Variants in ACVR2A observed in about 807,000 individuals in gnomAD.
The protein encoded by ACVR2A is activin receptor type-2A.
ACVR2A carries 7 observed loss-of-function variants against 61.4 expected under a neutral mutation model. That is an observed-to-expected ratio of 0.11 (90% CI 0.06 to 0.21). ACVR2A has a LOEUF of 0.21. Ranked by LOEUF, ACVR2A falls within the 10% of genes least tolerant of loss-of-function variation. The pLI, the probability that ACVR2A is intolerant of heterozygous loss-of-function variation, is 1.00. For synonymous variants in ACVR2A, 193 were observed against 208.3 expected, an observed-to-expected ratio of 0.93 and a Z score of 0.63; for missense variants, 322 against 621.7, an observed-to-expected ratio of 0.52 and a Z score of 5.13.
chr2:147,879,405 G>A (rs993026395), intron 1 of ACVR2A, among the ~76,000 whole-genome samples: 3 of 152,146 alleles, frequency 2.0e-5, no homozygotes, highest in African/African-American at 7.2e-5. Context: ...GCCACCATTA[G>A]GCCCCACCTC....
chr2:147,851,980 T>C (rs1685460066), intron 1 of ACVR2A, among the ~76,000 whole-genome samples: 1 of 152,086 alleles, frequency 6.6e-6, no homozygotes, highest in Non-Finnish European at 1.5e-5. Context: ...CTGAAAGCTT[T>C]ATGGTTCTAT....
intron 1 of ACVR2A, among the ~76,000 whole-genome samples, chr2:147,877,887 T>C (rs1374768313): frequency 6.6e-6 from 1 of 152,250 alleles, no homozygotes; most frequent in Non-Finnish European, 1.5e-5. Flanking sequence ...CTTATCTATG[T>C]TCTGCTGTAA....
rs184864148 is a variant in ACVR2A at position 147,921,312 on chromosome 2, G to A, written c.1077+968G>A. 2.4e-4 allele frequency among the ~76,000 whole-genome samples: 37 copies of A among 152,246 alleles called. No homozygotes were observed. The East Asian group carries it at 7.1e-3, about 29-fold the overall frequency. ...GGCCTCCCAAAGTGCTGGGATTATA[G>A]GCGTGAGCCACCACGCCCAGCCAAG... is the stretch of plus-strand genomic sequence containing the variant. On this transcript the variant is annotated intron_variant, in intron 8 of 10. Transcript: ENST00000241416.
chr2:147,915,221 C>T lies in ACVR2A; in HGVS notation c.559C>T (p.Leu187=), dbSNP rs750538183. ...DPGPPPPSPL[L]GLKPLQLLEV... The stretch of plus-strand genomic sequence containing the variant: ...AGGACCACCCCCACCTTCTCCATTA[C>T]TAGGTTTGAAACCACTGCAGTTATT... The change falls in exon 5 of 11, where the codon CTA becomes TTA. Residue 187 remains leucine (L), a synonymous_variant. Coordinates refer to ENST00000241416, the MANE Select transcript of ACVR2A (RefSeq NM_001616.5). The T allele has an allele frequency of 6.2e-7, 1 of 1,612,198 alleles. No homozygotes were observed. The highest frequency in any genetic ancestry group is 1.1e-5 in the South Asian group (1 of 91,034).
upstream of ACVR2A, chr2:147,844,826 C>T: frequency 4.6e-6 from 1 of 218,626 alleles, no homozygotes; most frequent in Non-Finnish European, 8.8e-6. Context: ...ACGGGAGAGG[C>T]GAGCGGAGCT....
intron 1 of ACVR2A, among the ~76,000 whole-genome samples, chr2:147,868,406 A>G (rs1276673429): frequency 6.6e-6 from 1 of 152,198 alleles, no homozygotes; most frequent in Non-Finnish European, 1.5e-5. Flanking sequence ...CACAGATGAA[A>G]TGGAGCCTGG....
intron 4 of ACVR2A, among the ~76,000 whole-genome samples, chr2:147,913,788 G>C (rs185954678): frequency 8.7e-5 from 9 of 103,504 alleles, no homozygotes; most frequent in African/African-American, 3.4e-4. Flanking sequence ...GTTCTTTCAT[G>C]TTTTGAATGT....
At chr2:147,868,501 C>T (rs1211147325) in intron 1 of ACVR2A, among the ~76,000 whole-genome samples, 1 of 152,118 alleles carries the variant, frequency 6.6e-6, no homozygotes, top group Non-Finnish European at 1.5e-5. Flanking sequence ...TAGAAAATAA[C>T]ACCAACTCTT....
At chr2:147,910,502 CATT>C (rs1181783851) in intron 4 of ACVR2A, among the ~76,000 whole-genome samples, 2 of 152,098 alleles carry the variant, frequency 1.3e-5, no homozygotes, top group Admixed American at 6.6e-5. Context: ...ACTCTTGAAT[CATT>C]ATCACAGGAA....
At chr2:147,875,684 A>G (rs1686135991) in intron 1 of ACVR2A, among the ~76,000 whole-genome samples, 1 of 152,060 alleles carries the variant, frequency 6.6e-6, no homozygotes, top group South Asian at 2.1e-4. Context: ...TCTACATAAA[A>G]TAAATTAGGA....
intron 1 of ACVR2A, among the ~76,000 whole-genome samples, chr2:147,863,142 A>G (rs1257454788): frequency 6.6e-6 from 1 of 152,194 alleles, no homozygotes; most frequent in Admixed American, 6.5e-5. Context: ...CTACTATGCT[A>G]AAATAATGAG....
intron 4 of ACVR2A, among the ~76,000 whole-genome samples, chr2:147,903,494 C>T (rs1686918897): frequency 6.6e-6 from 1 of 151,884 alleles, no homozygotes; most frequent in East Asian, 1.9e-4. Context: ...CTCCCTTCAT[C>T]TGTACTATTG....
At chr2:147,912,742 T>C (rs1012388085) in intron 4 of ACVR2A, among the ~76,000 whole-genome samples, 3 of 151,980 alleles carry the variant, frequency 2.0e-5, no homozygotes, top group East Asian at 1.9e-4. Flanking sequence ...CCTACAGTTA[T>C]CATTTTTGAA....
intron 1 of ACVR2A, among the ~76,000 whole-genome samples, chr2:147,887,967 A>G (rs1429759055): frequency 6.6e-6 from 1 of 152,184 alleles, no homozygotes; most frequent in Non-Finnish European, 1.5e-5. Flanking sequence ...GAGGCTTTCT[A>G]CAAGAGCTGG....
chr2:147,851,094 T>C (rs1263434411), intron 1 of ACVR2A, among the ~76,000 whole-genome samples: 1 of 152,134 alleles, frequency 6.6e-6, no homozygotes, highest in African/African-American at 2.4e-5. Context: ...TACTTCCTTT[T>C]CTTTCTAGTC....
intron 4 of ACVR2A, among the ~76,000 whole-genome samples, chr2:147,913,675 G>A (rs1687175206): frequency 6.6e-6 from 1 of 151,414 alleles, no homozygotes; most frequent in Admixed American, 6.6e-5. Context: ...AAACTCTCTA[G>A]AGGTTCTTGT....
intron 4 of ACVR2A, chr2:147,902,742 T>A (rs535222957): frequency 6.6e-6 from 1 of 152,092 alleles, no homozygotes; most frequent in African/African-American, 2.4e-5. Flanking sequence ...CTATTAAGAC[T>A]TTTTCGAAGG....
rs754508741 is a variant in ACVR2A, at chr2:147,896,432, A to G, written c.187A>G (p.Thr63Ala). ...AGATAAACGGCGGCATTGTTTTGCT[A>G]CCTGGAAGAATATTTCTGGTTCCAT... is the stretch of plus-strand genomic sequence containing the variant. Reference protein sequence around the residue: ...DKDKRRHCFATWKNISGSIEI... With the variant: ...DKDKRRHCFAAWKNISGSIEI... The change falls in exon 2 of 11, where the codon ACC (threonine) becomes GCC (alanine). Residue 63 changes from threonine to alanine, a missense_variant. Physicochemically the swap from Thr to Ala is moderately conservative, Grantham distance 58. Coordinates refer to ENST00000241416, the MANE Select transcript of ACVR2A (RefSeq NM_001616.5). The G allele has an allele frequency of 2.5e-6, 4 of 1,614,008 alleles. No homozygotes were observed. The highest frequency in any genetic ancestry group is 2.5e-6 in the Non-Finnish European group (3 of 1,179,960).
chr2:147,853,976 T>A (rs1330012843), intron 1 of ACVR2A, among the ~76,000 whole-genome samples: 1 of 152,170 alleles, frequency 6.6e-6, no homozygotes, highest in Non-Finnish European at 1.5e-5. Flanking sequence ...AATTGATAAC[T>A]CCACATAACA....
Sources: gnomAD v4.1 joint callset for allele counts (sites outside exome capture counted in the v4.1 genomes callset) on GRCh38, gnomAD v4.1.1 for gene constraint, MANE v1.5 for transcripts, NCBI Gene and HGNC (gene_info 2026-07-23, HGNC 2026-07-21) for gene names.